SHROOM2: variants seen among roughly 807,000 people sequenced by gnomAD.
SHROOM2 encodes protein Shroom2.
In SHROOM2, 33 loss-of-function variants were observed where a neutral mutation model predicts 75.9. The ratio of observed to expected loss-of-function variants is 0.43; its 90% CI spans 0.33 to 0.58. The LOEUF (loss-of-function observed/expected upper bound fraction) is 0.58, where lower values mean the gene tolerates loss of function less well. Ranked by LOEUF, SHROOM2 falls within the 20% of genes least tolerant of loss-of-function variation. The pLI is 0.04. For missense variants in SHROOM2, 1,434 were observed against 1,461.2 expected, an observed-to-expected ratio of 0.98 and a Z score of 0.30; for synonymous variants, 655 against 663.6, an observed-to-expected ratio of 0.99 and a Z score of 0.20.
At chrX:9,818,911 C>T (rs894767220) in intron 1 of SHROOM2, 2 of 548,970 alleles carry the variant, frequency 3.6e-6, no homozygotes, top group African/African-American at 4.6e-5. Context: ...TGTATCTTCC[C>T]CCCAGTCATC....
At chrX:9,894,041 C>T (rs965279197) in intron 3 of SHROOM2, among the ~76,000 whole-genome samples, 15 of 110,966 alleles carry the variant, frequency 1.4e-4, no homozygotes, top group Admixed American at 4.8e-4. Context: ...TGACCATAGA[C>T]GTGTAAATGC....
chrX:9,896,359 T>G lies in SHROOM2; in HGVS notation c.2451T>G (p.Ala817=). Residue 817 remains alanine, a synonymous_variant, in exon 4 of 10, where the codon GCT becomes GCG. Transcript: ENST00000380913. The part of the protein sequence containing the change: ...PVPQRPAQKQ[A]LHGIPRDKPE... The stretch of plus-strand genomic sequence containing the variant: ...CCCAGAGGCCTGCCCAGAAGCAAGC[T>G]CTTCACGGAATCCCGAGAGACAAGC... 1.7e-6 allele frequency: 2 copies of G among 1,212,010 alleles called. No homozygotes were observed. Among genetic ancestry groups the G allele is most frequent in the Non-Finnish European group, 2.2e-6 (2 of 895,569 alleles).
intron 1 of SHROOM2, among the ~76,000 whole-genome samples, chrX:9,787,129 T>TACGAAA (rs1305219944): frequency 1.8e-5 from 2 of 111,651 alleles, no homozygotes; most frequent in Non-Finnish European, 3.8e-5. Flanking sequence ...CTGTGATCAC[T>TACGAAA]ACGAAATCCA....
At chrX:9,930,769 G>C (rs2084641423) in intron 5 of SHROOM2, among the ~76,000 whole-genome samples, 1 of 110,817 alleles carries the variant, frequency 9.0e-6, no homozygotes, top group South Asian at 3.9e-4. Context: ...TTGAGACGGA[G>C]TCTTGCTTTG....
intron 1 of SHROOM2, among the ~76,000 whole-genome samples, chrX:9,859,889 G>A (rs921859116): frequency 3.6e-5 from 4 of 111,622 alleles, no homozygotes; most frequent in Non-Finnish European, 7.5e-5. Context: ...GATGATTTGC[G>A]TGAGGAAGAC....
chrX:9,932,449 C>A lies in SHROOM2; in HGVS notation c.3166C>A (p.Leu1056Ile). Residue 1056 changes from leucine (L) to isoleucine (I), a missense_variant, in exon 6 of 10, where the codon CTC becomes ATC. Coordinates refer to ENST00000380913, the MANE Select transcript of SHROOM2 (RefSeq NM_001649.4). Reference protein sequence around the residue: ...QDSWPVSSALLSKRPAPQRPP... With the variant: ...QDSWPVSSALISKRPAPQRPP... ...CTCGTGGCCAGTGAGCTCAGCCCTG[C>A]TCTCCAAGAGGCCAGCCCCACAGAG... 8.3e-7 allele frequency: 1 copy of A among 1,208,093 alleles called. No individual in the cohort carries two copies.
chrX:9,882,135 A>G (rs970395632), intron 2 of SHROOM2, among the ~76,000 whole-genome samples: 1 of 105,756 alleles, frequency 9.5e-6, no homozygotes, highest in African/African-American at 3.4e-5. Context: ...CGCTTTATAC[A>G]TAGCATAGCA....
chrX:9,918,092 C>A (rs935254641), intron 5 of SHROOM2, among the ~76,000 whole-genome samples: 6 of 111,639 alleles, frequency 5.4e-5, no homozygotes, highest in African/African-American at 1.6e-4. Flanking sequence ...GTTTTAATCA[C>A]CGCTAGGATC....
chrX:9,848,714 T>G (rs1431209168), intron 1 of SHROOM2, among the ~76,000 whole-genome samples: 1 of 110,087 alleles, frequency 9.1e-6, no homozygotes, highest in African/African-American at 3.3e-5. Context: ...ACGAATAAAG[T>G]GTCTGTCCTT....
At chrX:9,874,035 G>A (rs1046291397) in intron 2 of SHROOM2, among the ~76,000 whole-genome samples, 1 of 112,370 alleles carries the variant, frequency 8.9e-6, no homozygotes, top group Non-Finnish European at 1.9e-5. Flanking sequence ...TTGAATACTC[G>A]TATCTTTCCT....
chrX:9,927,682 C>A (rs918720284), intron 5 of SHROOM2, among the ~76,000 whole-genome samples: 2 of 112,220 alleles, frequency 1.8e-5, no homozygotes, highest in Admixed American at 1.9e-4. Context: ...ACATTGTGTT[C>A]AAGTGAGGGC....
In SHROOM2 at chrX:9,799,751, G is replaced by A. The variant is rs762411112; in HGVS notation, c.165+13041G>A. ...TCCTCGAGATAACGTGCATCTGTTT[G>A]CAAATTTGTAAACATGGTGATATAT... is the stretch of plus-strand genomic sequence containing the variant. On this transcript the variant is annotated intron_variant, in intron 1 of 9. Coordinates refer to ENST00000380913, the MANE Select transcript of SHROOM2 (RefSeq NM_001649.4). Among the ~76,000 whole-genome samples the A allele has an allele frequency of 6.0e-4, 66 of 109,995 alleles. No individual in the cohort carries two copies. In the Admixed American group the frequency reaches 6.0e-3, roughly 10 times the overall value.
At chrX:9,900,666 C>CT (rs111894148) in intron 5 of SHROOM2, among the ~76,000 whole-genome samples, 222 of 110,392 alleles carry the variant, frequency 2.0e-3, no homozygotes, top group African/African-American at 6.6e-3. Flanking sequence ...AGTGATGATA[C>CT]TTTTTTTTTA....
intron 1 of SHROOM2, among the ~76,000 whole-genome samples, chrX:9,840,409 A>G (rs371220502): frequency 1.4e-4 from 16 of 111,308 alleles, no homozygotes; most frequent in African/African-American, 4.9e-4. Context: ...CTGGGACTAC[A>G]GGTGTGCGCC....
intron 5 of SHROOM2, among the ~76,000 whole-genome samples, chrX:9,900,608 T>G (rs780820582): frequency 8.9e-6 from 1 of 112,190 alleles, no homozygotes; most frequent in South Asian, 3.7e-4. Context: ...TAACATTTTT[T>G]GTGAAGTTCA....
At chrX:9,879,816 C>G (rs747387981) in intron 2 of SHROOM2, among the ~76,000 whole-genome samples, 7 of 111,883 alleles carry the variant, frequency 6.3e-5, no homozygotes, top group Non-Finnish European at 1.1e-4. Context: ...GGGATCCACA[C>G]TGTACAGGTT....
intron 2 of SHROOM2, 125 bp downstream of exon 2, chrX:9,873,928 T>G (rs1023415028): frequency 7.1e-6 from 5 of 708,461 alleles, no homozygotes; most frequent in Non-Finnish European, 1.0e-5. Context: ...CACTTAGAGT[T>G]ATATGTCTCG....
intron 1 of SHROOM2, among the ~76,000 whole-genome samples, chrX:9,844,816 AAAAT>A (rs1425460001): frequency 5.1e-4 from 56 of 110,106 alleles, no homozygotes; most frequent in Non-Finnish European, 6.2e-4. Context: ...ACTCCATCTT[AAAAT>A]AAATAAATAA....
At chrX:9,849,419 G>T (rs2084026040) in intron 1 of SHROOM2, among the ~76,000 whole-genome samples, 1 of 112,088 alleles carries the variant, frequency 8.9e-6, no homozygotes, top group Non-Finnish European at 1.9e-5. Flanking sequence ...TTTAGAGGCT[G>T]CCCATGTGGG....
Sources: gnomAD v4.1 joint callset for allele counts (sites outside exome capture counted in the v4.1 genomes callset) on GRCh38, gnomAD v4.1.1 for gene constraint, MANE v1.5 for transcripts, NCBI Gene and HGNC (gene_info 2026-07-23, HGNC 2026-07-21) for gene names.